The following LRP10 variants were observed in gnomAD, a reference collection of about 807,000 sequenced individuals.
LRP10 encodes the protein LDL receptor related protein 10.
In LRP10, 42 loss-of-function variants were observed where a neutral mutation model predicts 58.5. The ratio of observed to expected loss-of-function variants is 0.72; its 90% CI spans 0.56 to 0.93. The LOEUF (loss-of-function observed/expected upper bound fraction) is 0.93, where lower values mean the gene tolerates loss of function less well. Among genes scored for constraint, LRP10 ranks in the 40% least tolerant of loss-of-function variants. The pLI, the probability that LRP10 is intolerant of heterozygous loss-of-function variation, is 0.00. For missense variants in LRP10, 872 were observed against 940.1 expected, an observed-to-expected ratio of 0.93 and a Z score of 0.95; for synonymous variants, 377 against 388.5, an observed-to-expected ratio of 0.97 and a Z score of 0.35.
Position 22,879,343 on chromosome 14 carries a change from G to T in LRP10, c.*1816G>T, listed in dbSNP as rs2040039320. 5.7e-6 allele frequency: 2 copies of T among 353,686 alleles called. No homozygotes were observed. The highest frequency in any genetic ancestry group is 1.2e-5 in the Non-Finnish European group (2 of 167,622). 21.9% of individuals were successfully genotyped at this position (353,686 alleles called of 1,614,324 possible). ...TGGGGAGAGGGCTCTGGAGAACCTG[G>T]TTCTTGCTTACTGTTCTCCCTTTGG... On this transcript the variant is annotated 3_prime_UTR_variant, in exon 7 of 7. Coordinates refer to ENST00000359591, the MANE Select transcript of LRP10 (RefSeq NM_014045.5).
In LRP10 at chr14:22,878,975, AACTGAG is replaced by A; in HGVS notation, c.*1449_*1454del. The A allele has an allele frequency of 3.2e-6, 1 of 313,610 alleles. No individual in the cohort carries two copies. Among genetic ancestry groups the A allele is most frequent in the South Asian group, 2.4e-5 (1 of 41,494 alleles). The allele number at this position is 313,610 out of a possible 1,614,324, so 19.4% of individuals were successfully genotyped here. On this transcript the variant is annotated 3_prime_UTR_variant, in exon 7 of 7. Transcript: ENST00000359591. ...GGTGGGAGTGATGCCTCAGGAACAA[AACTGAG>A]GAATTCCCTAACGGACCCAGTCCCT...
intron 1 of LRP10, 84 bp from the exon 2 acceptor site, chr14:22,872,654 G>A: frequency 2.2e-6 from 3 of 1,386,336 alleles, no homozygotes; most frequent in South Asian, 2.4e-5. Flanking sequence ...GGAAGTCCCG[G>A]ATGGCTCCCT....
rs2039958451 is a variant in LRP10, at chr14:22,871,989, T to A, written c.-315T>A. 5.8e-6 allele frequency: 3 copies of A among 514,816 alleles called. No homozygotes were observed. Among genetic ancestry groups the A allele is most frequent in the Middle Eastern group, 5.2e-4 (1 of 1,908 alleles). The allele number at this position is 514,816 out of a possible 1,614,324, so 31.9% of individuals were successfully genotyped here. A position where few individuals can be genotyped will look rare whatever the true frequency, so the allele number is the denominator to read the frequency against. The stretch of plus-strand genomic sequence containing the variant: ...GGCCAGACCAGGGGCGCTCGCTGCC[T>A]GCGGGCGGGCTGTAGGCGAGGGCGC... On this transcript the variant is annotated 5_prime_UTR_variant, in exon 1 of 7. Coordinates refer to ENST00000359591, the MANE Select transcript of LRP10 (RefSeq NM_014045.5).
intron 3 of LRP10, among the ~76,000 whole-genome samples, chr14:22,874,516 A>G (rs2039982898): frequency 6.6e-6 from 1 of 152,222 alleles, no homozygotes; most frequent in South Asian, 2.1e-4. Context: ...GCTCTAGGAT[A>G]TATTTTATGG....
intron 3 of LRP10, among the ~76,000 whole-genome samples, chr14:22,873,701 A>G (rs1347740301): frequency 3.3e-5 from 5 of 151,724 alleles, no homozygotes; most frequent in Non-Finnish European, 7.4e-5. Context: ...ACTTTTTTGT[A>G]TTTTTAGTAG....
intron 3 of LRP10, among the ~76,000 whole-genome samples, chr14:22,873,778 G>A (rs554726964): frequency 6.6e-6 from 1 of 152,236 alleles, no homozygotes; most frequent in South Asian, 2.1e-4. Flanking sequence ...CCACCCGCCT[G>A]GGCCTCCCAA....
In LRP10 at chr14:22,881,528, T is replaced by C. The variant is rs1260460086; in HGVS notation, c.*4001T>C. Reference sequence around the variant, plus strand: ...GGGCACGGGGAGCTATTTGCTTTTATGCTAAATGACCTTAGACCACTTATA... The same window carrying C: ...GGGCACGGGGAGCTATTTGCTTTTACGCTAAATGACCTTAGACCACTTATA... On this transcript the variant is annotated 3_prime_UTR_variant, in exon 7 of 7. Coordinates refer to ENST00000359591, the MANE Select transcript of LRP10 (RefSeq NM_014045.5). The C allele has an allele frequency of 2.6e-5, 4 of 152,350 alleles. No homozygotes were observed. The South Asian group carries it at 6.2e-4, about 24-fold the overall frequency. 9.4% of individuals were successfully genotyped at this position (152,350 alleles called of 1,614,324 possible).
At chr14:22,872,908 T>G in intron 2 of LRP10, 126 bp downstream of exon 2, 1 of 956,794 alleles carries the variant, frequency 1.0e-6, no homozygotes, top group Non-Finnish European at 1.6e-6. Flanking sequence ...TTAGCCTTTA[T>G]TTATAGATAA....
In LRP10 at chr14:22,875,629, T is replaced by C; in HGVS notation, c.681T>C (p.His227=). 1 of 1,614,108 alleles carries C rather than the reference T, an allele frequency of 6.2e-7. No individual in the cohort carries two copies. Among genetic ancestry groups the C allele is most frequent in the Non-Finnish European group, 8.5e-7 (1 of 1,180,032 alleles). ...PQSCHWLLDP[H]DGRRLAVRFT... is the part of the protein sequence containing the mutation. ...CCTGCCATTGGCTGCTGGACCCCCA[T>C]GATGGCCGGCGGCTGGCCGTGCGCT... The change falls in exon 5 of 7, where the codon CAT becomes CAC. Residue 227 remains histidine (H), a synonymous_variant. Transcript: ENST00000359591.
chr14:22,871,954 G>A lies in LRP10; in HGVS notation c.-350G>A. 1 of 420,776 alleles carries A rather than the reference G, an allele frequency of 2.4e-6. No homozygotes were observed. 26.1% of individuals were successfully genotyped at this position (420,776 alleles called of 1,614,324 possible). A position where few individuals can be genotyped will look rare whatever the true frequency, so the allele number is the denominator to read the frequency against. The stretch of plus-strand genomic sequence containing the variant: ...AGGAAGTGGTCTCAAACCCCGGCAG[G>A]TGGCGACCAGGCCAGACCAGGGGCG... On this transcript the variant is annotated 5_prime_UTR_variant, in exon 1 of 7. It adds an upstream start codon to the 5' untranslated region. Coordinates refer to ENST00000359591, the MANE Select transcript of LRP10 (RefSeq NM_014045.5).
In LRP10 at chr14:22,873,217, C is replaced by T. The variant is rs1416904710; in HGVS notation, c.80-94C>T. Reference sequence around the variant, plus strand: ...ATACTCTGCTCCTCCTTGCAGAGCCCAGACTTTTGGAAACCTCAAGCCTCC... The same window carrying T: ...ATACTCTGCTCCTCCTTGCAGAGCCTAGACTTTTGGAAACCTCAAGCCTCC... On this transcript the variant is annotated intron_variant, in intron 2 of 6. Coordinates refer to ENST00000359591, the MANE Select transcript of LRP10 (RefSeq NM_014045.5). The T allele has an allele frequency of 4.0e-6, 6 of 1,490,334 alleles. No homozygotes were observed. In the South Asian group the frequency reaches 6.5e-5, roughly 16 times the overall value. 92.3% of individuals were successfully genotyped at this position (1,490,334 alleles called of 1,614,324 possible).
At position 22,872,498 on chromosome 14, in the gene LRP10, T is replaced by A. The variant is rs2039965869; in HGVS notation, c.34+161T>A. On this transcript the variant is annotated intron_variant, in intron 1 of 6. Coordinates refer to ENST00000359591, the MANE Select transcript of LRP10 (RefSeq NM_014045.5). ...CCCCAACCCCCAGGAAGTCTTCAGC[T>A]GCTCCGCTGGGCCCTGGTCCTCTCT... is the stretch of plus-strand genomic sequence containing the variant. Among the ~76,000 whole-genome samples, 10 of 142,676 alleles carry A rather than the reference T, an allele frequency of 7.0e-5. No individual in the cohort carries two copies. In the South Asian group the frequency reaches 2.3e-3, roughly 32 times the overall value. The allele number at this position is 142,676 out of a possible 152,430, so 93.6% of individuals were successfully genotyped here.
At chr14:22,874,625 C>T (rs531803255) in intron 3 of LRP10, among the ~76,000 whole-genome samples, 25 of 152,340 alleles carry the variant, frequency 1.6e-4, no homozygotes, top group South Asian at 1.5e-3. Context: ...TGGTGGCTCA[C>T]GCCAGTAATC....
At position 22,875,981 on chromosome 14, in the gene LRP10, G is replaced by C; in HGVS notation, c.1033G>C (p.Ala345Pro). ...GCGCTGTGACGGCTCATGGGACTGT[G>C]CTGACGGCACAGATGAGGAGGACTG... is the stretch of plus-strand genomic sequence containing the variant. The part of the protein sequence containing the change: ...AQRCDGSWDC[A>P]DGTDEEDCPG... Residue 345 changes from alanine (A) to proline (P), a missense_variant, in exon 5 of 7, where the codon GCT becomes CCT. Transcript: ENST00000359591. The C allele has an allele frequency of 1.9e-6, 3 of 1,613,412 alleles. No homozygotes were observed. The highest frequency in any genetic ancestry group is 2.5e-6 in the Non-Finnish European group (3 of 1,180,028).
intron 3 of LRP10, 80 bp from the exon 4 acceptor site, chr14:22,874,975 G>A: frequency 2.9e-6 from 3 of 1,021,634 alleles, no homozygotes; most frequent in East Asian, 2.7e-5. Flanking sequence ...TGGGACACAA[G>A]GGGCCTGGTG....
chr14:22,876,774 G>T lies in LRP10; in HGVS notation c.1510G>T (p.Ala504Ser), dbSNP rs773638606. 1.2e-6 allele frequency: 2 copies of T among 1,613,976 alleles called. No individual in the cohort carries two copies. Among genetic ancestry groups the T allele is most frequent in the Middle Eastern group, 3.3e-4 (2 of 6,060 alleles). ...CTACGGGCAGCTCATTGCCCAGGGTGCCATCCCACCTGTAGAAGACTTTCC... is the reference window on the plus strand; with the variant it reads ...CTACGGGCAGCTCATTGCCCAGGGTTCCATCCCACCTGTAGAAGACTTTCC... ...PSYGQLIAQG[A>S]IPPVEDFPTE... Residue 504 changes from alanine (A) to serine (S), a missense_variant, in exon 6 of 7, where the codon GCC becomes TCC. Ala to Ser is a moderately conservative substitution (Grantham distance 99). Coordinates refer to ENST00000359591, the MANE Select transcript of LRP10 (RefSeq NM_014045.5).
rs2040056777 is a variant in LRP10 at position 22,881,079 on chromosome 14, G to GC, written c.*3554dup. On this transcript the variant is annotated 3_prime_UTR_variant, in exon 7 of 7. Coordinates refer to ENST00000359591, the MANE Select transcript of LRP10 (RefSeq NM_014045.5). Reference sequence around the variant, plus strand: ...AAGTGAACCCACACAACAGGGCTGGGCCATGGGCATCATAAACCCCATTTT... The same window carrying GC: ...AAGTGAACCCACACAACAGGGCTGGGCCCATGGGCATCATAAACCCCATTTT... 6.6e-6 allele frequency: 1 copy of GC among 152,244 alleles called. No homozygotes were observed. The highest frequency in any genetic ancestry group is 2.1e-4 in the South Asian group (1 of 4,830). The allele number at this position is 152,244 out of a possible 1,614,324, so 9.4% of individuals were successfully genotyped here.
In LRP10 at chr14:22,881,045, C is replaced by T. The variant is rs909566476; in HGVS notation, c.*3518C>T. On this transcript the variant is annotated 3_prime_UTR_variant, in exon 7 of 7. Coordinates refer to ENST00000359591, the MANE Select transcript of LRP10 (RefSeq NM_014045.5). ...GAGTGCCCGATGATGCCAGATTCTTCATCACCTGAAGTGAACCCACACAAC... is the reference window on the plus strand; with the variant it reads ...GAGTGCCCGATGATGCCAGATTCTTTATCACCTGAAGTGAACCCACACAAC... The T allele has an allele frequency of 1.3e-5, 2 of 152,194 alleles. No homozygotes were observed. Among genetic ancestry groups the T allele is most frequent in the African/African-American group, 4.8e-5 (2 of 41,444 alleles). The allele number at this position is 152,194 out of a possible 1,614,324, so 9.4% of individuals were successfully genotyped here. A position where few individuals can be genotyped will look rare whatever the true frequency, so the allele number is the denominator to read the frequency against.
In LRP10 at chr14:22,877,375, C is replaced by A. The variant is rs2040019631; in HGVS notation, c.1990C>A (p.Pro664Thr). The change falls in exon 7 of 7, where the codon CCC (proline) becomes ACC (threonine). Residue 664 changes from proline (P) to threonine (T), a missense_variant. Pro to Thr is a conservative substitution (Grantham distance 38). Transcript: ENST00000359591. The surrounding 1 kb of genome is among the most constrained non-coding windows in gnomAD (Gnocchi z 5.1). The part of the protein sequence containing the change: ...VVQALRGRLL[P>T]SLGPPGPTRS... ...GCAGGCCCTGCGAGGCCGCCTGTTG[C>A]CCAGCCTGGGGCCCCCAGGACCAAC... is the stretch of plus-strand genomic sequence containing the variant. The A allele has an allele frequency of 6.2e-7, 1 of 1,613,688 alleles. No individual in the cohort carries two copies. Among genetic ancestry groups the A allele is most frequent in the East Asian group, 2.2e-5 (1 of 44,878 alleles).
Sources: gnomAD v4.1 joint callset for allele counts (sites outside exome capture counted in the v4.1 genomes callset) on GRCh38, gnomAD v4.1.1 for gene constraint, Gnocchi (gnomAD v3.1) non-coding constraint, MANE v1.5 for transcripts, NCBI Gene and HGNC (gene_info 2026-07-23, HGNC 2026-07-21) for gene names.